DCC: variants seen among roughly 807,000 people sequenced by gnomAD.
DCC encodes netrin receptor DCC.
DCC carries 58 observed loss-of-function variants against 172.5 expected under a neutral mutation model. The observed-to-expected ratio is 0.34, with a 90% confidence interval of 0.27 to 0.42. DCC has a LOEUF of 0.42. DCC is among the 10% of genes least tolerant of loss of function. The probability of loss-of-function intolerance (pLI) is 1.00; values close to 1 mark genes in which losing one functional copy is unlikely to be tolerated. For missense variants in DCC, 1,740 were observed against 1,791.0 expected (o/e 0.97, Z 0.51); for synonymous variants, 709 against 644.5 (o/e 1.10, Z -1.52).
At chr18:53,514,539 G>C (rs1252591229) in intron 27 of DCC, among the ~76,000 whole-genome samples, 3 of 152,022 alleles carry the variant, frequency 2.0e-5, no homozygotes, top group Admixed American at 6.5e-5. Flanking sequence ...CAACAAAATT[G>C]ATAGACCACT....
intron 1 of DCC, among the ~76,000 whole-genome samples, chr18:52,715,295 C>CTT (rs10658253): frequency 0.38 from 55,132 of 144,590 alleles, 10,786 homozygotes; most frequent in African/African-American, 0.45. Flanking sequence ...TTTTTCTTTT[C>CTT]TTTTTTTTTT....
intron 1 of DCC, among the ~76,000 whole-genome samples, chr18:52,563,021 A>G (rs1343358431): frequency 6.6e-6 from 1 of 152,132 alleles, no homozygotes; most frequent in African/African-American, 2.4e-5. Context: ...AAACATTAGG[A>G]CAAAACTCTG....
chr18:52,981,796 A>G (rs1336419504), intron 5 of DCC, among the ~76,000 whole-genome samples: 1 of 152,206 alleles, frequency 6.6e-6, no homozygotes, highest in East Asian at 1.9e-4. Flanking sequence ...TGGAAAGATT[A>G]GGATGATTCA....
chr18:53,441,585 C>T (rs1265010086), intron 22 of DCC, among the ~76,000 whole-genome samples: 1 of 152,158 alleles, frequency 6.6e-6, no homozygotes, highest in African/African-American at 2.4e-5. Flanking sequence ...TAGGCTTGAA[C>T]CTGAGTCTCT....
At chr18:52,977,052 G>A (rs977017728) in intron 5 of DCC, among the ~76,000 whole-genome samples, 1 of 152,104 alleles carries the variant, frequency 6.6e-6, no homozygotes, top group Non-Finnish European at 1.5e-5. Context: ...CTCCCTCAAG[G>A]TGCTCAAAAT....
chr18:52,552,380 G>A (rs1018232327), intron 1 of DCC, among the ~76,000 whole-genome samples: 1 of 151,990 alleles, frequency 6.6e-6, no homozygotes, highest in African/African-American at 2.4e-5. Context: ...GCATCCTAGG[G>A]CCTGAGTTGA....
At chr18:53,398,426 A>T (rs1909090615) in intron 18 of DCC, among the ~76,000 whole-genome samples, 1 of 152,094 alleles carries the variant, frequency 6.6e-6, no homozygotes, top group Non-Finnish European at 1.5e-5. Context: ...TTTACCTGTT[A>T]TTATCTCTTC....
chr18:52,450,132 T>A (rs1404504332), intron 1 of DCC, among the ~76,000 whole-genome samples: 1 of 152,230 alleles, frequency 6.6e-6, no homozygotes, highest in Non-Finnish European at 1.5e-5. Context: ...GTAATGAAAC[T>A]GCCTTTGGTC....
intron 1 of DCC, among the ~76,000 whole-genome samples, chr18:52,696,550 AC>A (rs1414431584): frequency 1.3e-5 from 2 of 152,208 alleles, no homozygotes; most frequent in Admixed American, 6.5e-5. Flanking sequence ...CTTACTGAGC[AC>A]CAGGTGCCTG....
At chr18:52,890,027 G>A (rs2039625494) in intron 2 of DCC, among the ~76,000 whole-genome samples, 2 of 152,094 alleles carry the variant, frequency 1.3e-5, no homozygotes, top group Admixed American at 6.6e-5. Context: ...AATTTAATTG[G>A]ATGAAAATAT....
At chr18:53,068,826 G>T (rs1045838720) in intron 7 of DCC, among the ~76,000 whole-genome samples, 3 of 138,010 alleles carry the variant, frequency 2.2e-5, no homozygotes. Flanking sequence ...TGTTGCTGGG[G>T]ACTGATTGCA....
chr18:53,377,270 A>T (rs1401060350), intron 15 of DCC, among the ~76,000 whole-genome samples: 1 of 152,030 alleles, frequency 6.6e-6, no homozygotes, highest in East Asian at 1.9e-4. Flanking sequence ...AAGTCCAAGG[A>T]CAAGGAGCTG....
chr18:53,047,264 A>AAT (rs1470400139), intron 5 of DCC, among the ~76,000 whole-genome samples: 13 of 16,980 alleles, frequency 7.7e-4, no homozygotes, highest in Non-Finnish European at 1.5e-3. Flanking sequence ...ATATATATAT[A>AAT]TATATATATA....
At chr18:52,721,595 C>G (rs944836431) in intron 1 of DCC, among the ~76,000 whole-genome samples, 4 of 152,146 alleles carry the variant, frequency 2.6e-5, no homozygotes, top group African/African-American at 9.7e-5. Flanking sequence ...GGGCCTTTTT[C>G]CTAAGGCACA....
chr18:53,344,083 A>G (rs1377750044), intron 15 of DCC, among the ~76,000 whole-genome samples: 1 of 151,966 alleles, frequency 6.6e-6, no homozygotes, highest in East Asian at 1.9e-4. Flanking sequence ...AGCCTTTGAC[A>G]TTACTAACTT....
chr18:52,783,921 A>G (rs76434772), intron 2 of DCC, among the ~76,000 whole-genome samples: 8,035 of 152,078 alleles, frequency 0.053, 285 homozygotes, highest in South Asian at 0.16. Flanking sequence ...CATCACCTCA[A>G]ATGTTTACCA....
At chr18:52,924,579 A>G (rs573498596) in intron 4 of DCC, among the ~76,000 whole-genome samples, 1 of 152,228 alleles carries the variant, frequency 6.6e-6, no homozygotes, top group Non-Finnish European at 1.5e-5. Flanking sequence ...TTCTGATGAA[A>G]TGGATCTTAC....
At chr18:52,573,629 G>A (rs2033349341) in intron 1 of DCC, among the ~76,000 whole-genome samples, 2 of 152,092 alleles carry the variant, frequency 1.3e-5, no homozygotes, top group Admixed American at 1.3e-4. Flanking sequence ...TTAACCTCTG[G>A]TGAGATCATC....
chr18:52,442,560 G>A (rs895469785), intron 1 of DCC, among the ~76,000 whole-genome samples: 1 of 152,134 alleles, frequency 6.6e-6, no homozygotes, highest in African/African-American at 2.4e-5. Context: ...TCAAGGTGTA[G>A]GAGTTCTTTA....
Sources: allele counts gnomAD v4.1 joint callset (sites outside exome capture counted in the v4.1 genomes callset), GRCh38; gene constraint gnomAD v4.1.1; transcripts MANE v1.5; gene names NCBI Gene and HGNC (gene_info 2026-07-23, HGNC 2026-07-21).